Variants in UBA5 observed in about 807,000 individuals in gnomAD.
UBA5 encodes the protein ubiquitin like modifier activating enzyme 5.
A neutral mutation model predicts 52.9 loss-of-function variants in UBA5; 28 were observed. The observed-to-expected ratio is 0.53, with a 90% confidence interval of 0.39 to 0.73. UBA5 has a LOEUF of 0.73. Among genes scored for constraint, UBA5 ranks in the 30% least tolerant of loss-of-function variants. The probability of loss-of-function intolerance (pLI) is 0.00; values close to 1 mark genes in which losing one functional copy is unlikely to be tolerated. For synonymous variants in UBA5, 135 were observed against 162.1 expected, an observed-to-expected ratio of 0.83 and a Z score of 1.27; for missense variants, 388 against 492.7, an observed-to-expected ratio of 0.79 and a Z score of 2.01.
intron 1 of UBA5, among the ~76,000 whole-genome samples, chr3:132,664,953 A>G (rs1475124778): frequency 6.6e-6 from 1 of 152,116 alleles, no homozygotes; most frequent in Non-Finnish European, 1.5e-5. Flanking sequence ...GAAATTAAGC[A>G]TCAGGAGAAA....
chr3:132,662,148 A>C (rs1938196276), intron 1 of UBA5, among the ~76,000 whole-genome samples: 1 of 152,246 alleles, frequency 6.6e-6, no homozygotes, highest in Non-Finnish European at 1.5e-5. Context: ...TTCAGAACTC[A>C]AGTCTAAATA....
Position 132,672,303 on chromosome 3 carries a change from TGTA to T in UBA5, c.812+129_812+131del, listed in dbSNP as rs111321422. ...ATAATTTAGTTACTTTAAACTTAAATGTAGTTTTAAATGTTTTATATATGTATA... is the reference window on the plus strand; with the variant it reads ...ATAATTTAGTTACTTTAAACTTAAATGTTTTAAATGTTTTATATATGTATA... On this transcript the variant is annotated intron_variant, in intron 8 of 11. Coordinates refer to ENST00000356232, the MANE Select transcript of UBA5 (RefSeq NM_024818.6). 2.0e-3 allele frequency: 2,293 copies of T among 1,146,772 alleles called. 34 individuals carry two copies. In the African/African-American group the frequency reaches 0.032, roughly 16 times the overall value. 71.0% of individuals were successfully genotyped at this position (1,146,772 alleles called of 1,614,324 possible).
rs1482654265 is a variant in UBA5, at chr3:132,679,280, A to G, written c.*2754A>G. On this transcript the variant is annotated 3_prime_UTR_variant, in exon 12 of 12. Coordinates refer to ENST00000356232, the MANE Select transcript of UBA5 (RefSeq NM_024818.6). ...GAGACTCTGTCTCAAAAAAAAAGGT[A>G]TTGATGAATAAAAATTATAACTAGA... 1.3e-5 allele frequency among the ~76,000 whole-genome samples: 2 copies of G among 152,114 alleles called. No homozygotes were observed. Among genetic ancestry groups the G allele is most frequent in the African/African-American group, 4.8e-5 (2 of 41,434 alleles).
At position 132,671,045 on chromosome 3, in the gene UBA5, A is replaced by C; in HGVS notation, c.575A>C (p.Asn192Thr). Residue 192 changes from asparagine (N) to threonine (T), a missense_variant, in exon 6 of 12, where the codon AAT becomes ACT. Around this residue, in one of 3 missense-constraint regions of UBA5, gnomAD observed 277 missense variants for 326.4 expected, o/e 0.85. Transcript: ENST00000356232. Reference protein sequence around the residue: ...VDNFEARMTINTACNELGQTW... With the variant: ...VDNFEARMTITTACNELGQTW... ...AATTTTGAAGCTCGAATGACAATAAATACAGTGAGTATTCCTGCTGTGCAA... is the reference window on the plus strand; with the variant it reads ...AATTTTGAAGCTCGAATGACAATAACTACAGTGAGTATTCCTGCTGTGCAA... 1 of 1,612,056 alleles carries C rather than the reference A, an allele frequency of 6.2e-7. No individual in the cohort carries two copies. Among genetic ancestry groups the C allele is most frequent in the Non-Finnish European group, 8.5e-7 (1 of 1,178,418 alleles).
intron 4 of UBA5, among the ~76,000 whole-genome samples, chr3:132,669,780 G>A (rs1938524764): frequency 6.6e-6 from 1 of 152,176 alleles, no homozygotes; most frequent in Admixed American, 6.5e-5. Context: ...GTTGTAGGTA[G>A]TTACTGGACA....
chr3:132,669,538 G>A (rs1003537266), intron 4 of UBA5, among the ~76,000 whole-genome samples: 1 of 152,156 alleles, frequency 6.6e-6, no homozygotes, highest in Admixed American at 6.5e-5. Context: ...CAAAGTGCTA[G>A]CATTGCAGGC....
chr3:132,672,820 A>G lies in UBA5; in HGVS notation c.812+643A>G, dbSNP rs144416038. On this transcript the variant is annotated intron_variant, in intron 8 of 11. Coordinates refer to ENST00000356232, the MANE Select transcript of UBA5 (RefSeq NM_024818.6). ...ACTGTACTATCTAAACTGTAGCTAA[A>G]AAGAAGGAAAAAGATTTCTTTGCTG... is the stretch of plus-strand genomic sequence containing the variant. Among the ~76,000 whole-genome samples, 14 of 152,346 alleles carry G rather than the reference A, an allele frequency of 9.2e-5. No individual in the cohort carries two copies. The East Asian group carries it at 2.5e-3, about 27-fold the overall frequency.
intron 7 of UBA5, 40 bp downstream of exon 7, chr3:132,671,921 T>TAA: frequency 6.2e-7 from 1 of 1,604,806 alleles, no homozygotes; most frequent in Non-Finnish European, 8.5e-7. Context: ...CACTGTTAGA[T>TAA]ACTTGAGTTC....
chr3:132,676,813 G>A lies in UBA5; in HGVS notation c.*287G>A, dbSNP rs779873223. 4.1e-6 allele frequency: 2 copies of A among 486,764 alleles called. No individual in the cohort carries two copies. The highest frequency in any genetic ancestry group is 4.6e-5 in the Admixed American group (2 of 43,488). The allele number at this position is 486,764 out of a possible 1,614,324, so 30.2% of individuals were successfully genotyped here. A position where few individuals can be genotyped will look rare whatever the true frequency, so the allele number is the denominator to read the frequency against. On this transcript the variant is annotated 3_prime_UTR_variant, in exon 12 of 12. Coordinates refer to ENST00000356232, the MANE Select transcript of UBA5 (RefSeq NM_024818.6). The surrounding 1 kb of genome is among the most constrained non-coding windows in gnomAD (Gnocchi z 4.1). ...TTGAAATGTTTTGGCCTTTTGGAGT[G>A]GGGGAAGGACAAATCTGATCCTGTA...
chr3:132,665,118 G>A (rs1938320758), intron 1 of UBA5, among the ~76,000 whole-genome samples: 1 of 152,132 alleles, frequency 6.6e-6, no homozygotes, highest in South Asian at 2.1e-4. Context: ...CAGTGGGGAT[G>A]AATGCTAAGA....
At chr3:132,670,598 T>G (rs1182160061) in intron 5 of UBA5, 1 of 227,760 alleles carries the variant, frequency 4.4e-6, no homozygotes, top group Non-Finnish European at 8.4e-6. Flanking sequence ...TCAGAGACTG[T>G]CAGACCACCA....
rs1185704580 is a variant in UBA5 at position 132,660,659 on chromosome 3, A to G, written c.122A>G (p.Glu41Gly). The G allele has an allele frequency of 1.3e-6, 2 of 1,575,822 alleles. No individual in the cohort carries two copies. Among genetic ancestry groups the G allele is most frequent in the Non-Finnish European group, 8.6e-7 (1 of 1,161,286 alleles). ...GDGGGGRVRI[E>G]KMSSEVVDSN... ...GGAGGGGGCGGCCGGGTCCGCATCG[A>G]GAAGATGAGCTCAGAGGTGGTGGAT... Residue 41 changes from glutamate to glycine, a missense_variant, in exon 1 of 12, where the codon GAG becomes GGG. Physicochemically the swap from Glu to Gly is moderately conservative, Grantham distance 98 (BLOSUM62 -2). Around this residue, in one of 3 missense-constraint regions of UBA5, gnomAD observed 95 missense variants for 107.0 expected, o/e 0.89. Transcript: ENST00000356232. This position sits in a 1 kb window ranked among gnomAD's most constrained non-coding sequence, Gnocchi z 4.1.
At chr3:132,670,138 C>CCACA (rs951632078) in intron 4 of UBA5, 60 bp from the exon 5 acceptor site, 3 of 856,052 alleles carry the variant, frequency 3.5e-6, no homozygotes, top group Admixed American at 2.3e-5. Flanking sequence ...AATCCTCCCA[C>CCACA]CACAGCCTCT....
intron 4 of UBA5, 43 bp downstream of exon 4, chr3:132,668,970 ACTTT>A: frequency 7.6e-7 from 1 of 1,307,514 alleles, no homozygotes; most frequent in Non-Finnish European, 1.1e-6. Flanking sequence ...GTGAAATCTT[ACTTT>A]ATGTATTTGA....
Position 132,660,501 on chromosome 3 carries a change from GC to G in UBA5, c.-34del. On this transcript the variant is annotated 5_prime_UTR_variant, in exon 1 of 12. Transcript: ENST00000356232. The surrounding 1 kb of genome is among the most constrained non-coding windows in gnomAD (Gnocchi z 4.1). ...ACGTGGGGCGAAGGCGGCGGCGAAGGCCCGGGCTGGGAGCGTTGGCGGCCGG... is the reference window on the plus strand; with the variant it reads ...ACGTGGGGCGAAGGCGGCGGCGAAGGCCGGGCTGGGAGCGTTGGCGGCCGG... The G allele has an allele frequency of 1.9e-6, 3 of 1,544,628 alleles. No individual in the cohort carries two copies. Among genetic ancestry groups the G allele is most frequent in the Non-Finnish European group, 2.6e-6 (3 of 1,146,004 alleles).
At chr3:132,670,168 G>T in intron 4 of UBA5, 30 bp from the exon 5 acceptor site, 1 of 1,084,632 alleles carries the variant, frequency 9.2e-7, no homozygotes, top group Non-Finnish European at 1.4e-6. Context: ...AGGATTACAG[G>T]CTTATAATCA....
At chr3:132,658,545 T>C (rs190233742), upstream of UBA5, among the ~76,000 whole-genome samples, 26 of 152,366 alleles carry the variant, frequency 1.7e-4, no homozygotes, top group African/African-American at 6.0e-4. Flanking sequence ...TCCACAGCAA[T>C]TGAAATAGTT....
Position 132,660,717 on chromosome 3 carries a change from C to A in UBA5, c.161+19C>A. ...CCTACAGGTAACCTGCGTCGCCGGTCGGAGGCAGGCGCGGGGGACGAGGTC... is the reference window on the plus strand; with the variant it reads ...CCTACAGGTAACCTGCGTCGCCGGTAGGAGGCAGGCGCGGGGGACGAGGTC... On this transcript the variant is annotated intron_variant, in intron 1 of 11. Transcript: ENST00000356232. The surrounding 1 kb of genome is among the most constrained non-coding windows in gnomAD (Gnocchi z 4.1). 1.3e-6 allele frequency: 2 copies of A among 1,520,246 alleles called. No homozygotes were observed. The highest frequency in any genetic ancestry group is 1.4e-5 in the African/African-American group (1 of 72,716). The allele number at this position is 1,520,246 out of a possible 1,614,324, so 94.2% of individuals were successfully genotyped here. A position where few individuals can be genotyped will look rare whatever the true frequency, so the allele number is the denominator to read the frequency against.
rs1420483496 is a variant in UBA5, at chr3:132,668,853, C to T, written c.333C>T (p.Ala111=). The change falls in exon 4 of 12, where the codon GCC becomes GCT. Residue 111 remains alanine, a synonymous_variant. Transcript: ENST00000356232. ...LLFDYDKVEL[A]NMNRLFFQPH... ...TTGATTATGACAAGGTGGAACTAGC[C>T]AATATGAATAGACTTTTCTTCCAAC... The T allele has an allele frequency of 6.2e-7, 1 of 1,610,438 alleles. No individual in the cohort carries two copies. Among genetic ancestry groups the T allele is most frequent in the East Asian group, 2.2e-5 (1 of 44,682 alleles).
Sources: gnomAD v4.1 joint callset for allele counts (sites outside exome capture counted in the v4.1 genomes callset) on GRCh38, gnomAD v4.1.1 for gene constraint, gnomAD v4.1.1 regional missense constraint, Gnocchi (gnomAD v3.1) non-coding constraint, MANE v1.5 for transcripts, NCBI Gene and HGNC (gene_info 2026-07-23, HGNC 2026-07-21) for gene names.